Variants in SPTBN1 observed in about 807,000 individuals in gnomAD.
The protein encoded by SPTBN1 is spectrin beta chain, non-erythrocytic 1.
SPTBN1 carries 32 observed loss-of-function variants against 266.4 expected under a neutral mutation model. The ratio of observed to expected loss-of-function variants is 0.12; its 90% CI spans 0.09 to 0.16. The LOEUF is 0.16. Ranked by LOEUF, SPTBN1 falls within the 10% of genes least tolerant of loss-of-function variation. The probability of loss-of-function intolerance (pLI) is 1.00; values close to 1 mark genes in which losing one functional copy is unlikely to be tolerated. For synonymous variants in SPTBN1, 1,336 were observed against 1,162.2 expected (o/e 1.15, Z -3.04); for missense variants, 2,296 against 3,067.1 (o/e 0.75, Z 5.94).
chr2:54,486,147 G>A (rs1041948911), intron 1 of SPTBN1, among the ~76,000 whole-genome samples: 7 of 142,822 alleles, frequency 4.9e-5, no homozygotes, highest in African/African-American at 1.7e-4. Flanking sequence ...GAGGTGAGGG[G>A]CGCCTCTGCC....
chr2:54,575,536 A>G (rs1013454716), intron 2 of SPTBN1, among the ~76,000 whole-genome samples: 4 of 152,270 alleles, frequency 2.6e-5, no homozygotes, highest in Non-Finnish European at 4.4e-5. Flanking sequence ...AAAAGTAACT[A>G]AGGTAAAATT....
At position 54,562,993 on chromosome 2, in the gene SPTBN1, G is replaced by T. The variant is rs192319838; in HGVS notation, c.149-36099G>T. Among the ~76,000 whole-genome samples, 310 of 152,204 alleles carry T rather than the reference G, an allele frequency of 2.0e-3. 2 individuals are homozygous for T. The highest frequency in any genetic ancestry group is 7.0e-3 in the African/African-American group (290 of 41,518). On this transcript the variant is annotated intron_variant, in intron 2 of 35. Coordinates refer to ENST00000356805, the MANE Select transcript of SPTBN1 (RefSeq NM_003128.3). The stretch of plus-strand genomic sequence containing the variant: ...TGTACCAGTCAGAGCTTTCTATATG[G>T]AATTTTGTCTGGTCTTTATAACATA...
rs1479950779 is a variant in SPTBN1, at chr2:54,671,068, A to G, written c.*2499A>G. ...TTTTCAGTGATACAATATGGGTGAC[A>G]ATACTGGCCCCTCCATAAATCTGAA... On this transcript the variant is annotated 3_prime_UTR_variant, in exon 36 of 36. Coordinates refer to ENST00000356805, the MANE Select transcript of SPTBN1 (RefSeq NM_003128.3). 3 of 350,876 alleles carry G rather than the reference A, an allele frequency of 8.6e-6. No homozygotes were observed. The highest frequency in any genetic ancestry group is 4.2e-5 in the African/African-American group (2 of 47,640). 21.7% of individuals were successfully genotyped at this position (350,876 alleles called of 1,614,324 possible).
At position 54,631,283 on chromosome 2, in the gene SPTBN1, C is replaced by G; in HGVS notation, c.3236C>G (p.Ser1079Cys). Residue 1079 changes from serine to cysteine, a missense_variant, in exon 16 of 36, where the codon TCT becomes TGT. Ser to Cys is a moderately radical substitution (Grantham distance 112, BLOSUM62 -1). Coordinates refer to ENST00000356805, the MANE Select transcript of SPTBN1 (RefSeq NM_003128.3). ...RDLDDFQSWL[S>C]RTQTAIASED... ...TTGGACGACTTCCAGTCCTGGCTCT[C>G]TAGGACCCAGACAGCGATCGCCTCG... 1 of 1,614,204 alleles carries G rather than the reference C, an allele frequency of 6.2e-7. No homozygotes were observed. Among genetic ancestry groups the G allele is most frequent in the Non-Finnish European group, 8.5e-7 (1 of 1,180,014 alleles).
chr2:54,491,852 G>T (rs1330125594), intron 1 of SPTBN1, among the ~76,000 whole-genome samples: 1 of 151,986 alleles, frequency 6.6e-6, no homozygotes, highest in African/African-American at 2.4e-5. Context: ...CCTCCACCTT[G>T]CCTCCCAAAG....
intron 1 of SPTBN1, among the ~76,000 whole-genome samples, chr2:54,465,587 T>C (rs963384672): frequency 6.7e-6 from 1 of 148,894 alleles, no homozygotes; most frequent in Non-Finnish European, 1.5e-5. Context: ...TCCTGTGCAA[T>C]GTTATATTTT....
chr2:54,668,644 A>G lies in SPTBN1; in HGVS notation c.*75A>G. On this transcript the variant is annotated 3_prime_UTR_variant, in exon 36 of 36. Transcript: ENST00000356805. ...CAGCATGCAAGCTCAGAACCAACAC[A>G]TTACTCTCTGTGCCTAATGTTCCTC... 1 of 1,315,570 alleles carries G rather than the reference A, an allele frequency of 7.6e-7. No individual in the cohort carries two copies. The highest frequency in any genetic ancestry group is 1.0e-6 in the Non-Finnish European group (1 of 965,724). 81.5% of individuals were successfully genotyped at this position (1,315,570 alleles called of 1,614,324 possible).
At chr2:54,630,128 G>T (rs947145006) in intron 15 of SPTBN1, 99 bp downstream of exon 15, 2 of 1,467,752 alleles carry the variant, frequency 1.4e-6, no homozygotes, top group Non-Finnish European at 1.8e-6. Flanking sequence ...CCCACATGGG[G>T]TCATCGACAT....
chr2:54,649,154 G>T lies in SPTBN1; in HGVS notation c.5166G>T (p.Gly1722=), dbSNP rs752657797. The change falls in exon 25 of 36, where the codon GGG becomes GGT. Residue 1722 remains glycine (G), a synonymous_variant. Coordinates refer to ENST00000356805, the MANE Select transcript of SPTBN1 (RefSeq NM_003128.3). The surrounding 1 kb of genome is among the most constrained non-coding windows in gnomAD (Gnocchi z 6.7). ...TCGCTGAGAGGGAGGTGGTCGCAGG[G>T]TCCCATGAACTGGGACAGGACTATG... The part of the protein sequence containing the change: ...QWIAEREVVA[G]SHELGQDYEH... 5.6e-6 allele frequency: 9 copies of T among 1,611,328 alleles called. No homozygotes were observed. In the East Asian group the frequency reaches 2.0e-4, roughly 36 times the overall value.
chr2:54,466,003 A>C (rs1165262768), intron 1 of SPTBN1, among the ~76,000 whole-genome samples: 2 of 152,196 alleles, frequency 1.3e-5, no homozygotes, highest in Non-Finnish European at 2.9e-5. Flanking sequence ...TTGTGCTTTG[A>C]CATATAAAAA....
rs1680162189 is a variant in SPTBN1 at position 54,649,960 on chromosome 2, G to A, written c.5548G>A (p.Glu1850Lys). 1.2e-6 allele frequency: 2 copies of A among 1,611,890 alleles called. No individual in the cohort carries two copies. Among genetic ancestry groups the A allele is most frequent in the African/African-American group, 1.3e-5 (1 of 74,886 alleles). The change falls in exon 26 of 36, where the codon GAG becomes AAG. Residue 1850 changes from glutamate to lysine, a missense_variant. By Grantham distance (56) the Glu-to-Lys change is moderately conservative. This residue lies in a region of SPTBN1 where 644 missense variants were observed against 745.3 expected (regional missense o/e 0.86). Transcript: ENST00000356805. The surrounding 1 kb of genome is among the most constrained non-coding windows in gnomAD (Gnocchi z 6.7). ...ETLQRMHTTF[E>K]HDIQALGTQV... ...CTTACAGAGAATGCACACTACATTT[G>A]AGCATGACATCCAGGCTCTGGGCAC...
chr2:54,642,970 GATCT>G lies in SPTBN1; in HGVS notation c.3859-12_3859-9del. Reference sequence around the variant, plus strand: ...AGGATCACAATCTCTGAATCCTTCTGATCTTTCTGTAGCTGTCTCTCTGGATCAA... The same window carrying G: ...AGGATCACAATCTCTGAATCCTTCTGTTCTGTAGCTGTCTCTCTGGATCAA... On this transcript the variant is annotated splice_polypyrimidine_tract_variant and intron_variant, in intron 18 of 35. Transcript: ENST00000356805. 1 of 1,609,548 alleles carries G rather than the reference GATCT, an allele frequency of 6.2e-7. No homozygotes were observed. The highest frequency in any genetic ancestry group is 1.7e-5 in the Admixed American group (1 of 59,436).
At chr2:54,589,517 C>T (rs535766011) in intron 2 of SPTBN1, among the ~76,000 whole-genome samples, 5 of 152,316 alleles carry the variant, frequency 3.3e-5, no homozygotes, top group South Asian at 4.1e-4. Context: ...GCCCATCAGA[C>T]AGTTACTAGC....
Position 54,556,160 on chromosome 2 carries a change from C to G in SPTBN1, c.148+29594C>G, listed in dbSNP as rs369324978. On this transcript the variant is annotated intron_variant, in intron 2 of 35. Transcript: ENST00000356805. ...GCCTTCCTTTACCTCCTCCCCACTT[C>G]TGAACTGGAGGTGGTCAGATGGGCC... Among the ~76,000 whole-genome samples, 192 of 152,348 alleles carry G rather than the reference C, an allele frequency of 1.3e-3. 4 individuals are homozygous for G. In the South Asian group the frequency reaches 0.034, roughly 27 times the overall value.
intron 2 of SPTBN1, among the ~76,000 whole-genome samples, chr2:54,585,428 TC>T (rs61299675): frequency 0.33 from 50,788 of 151,614 alleles, 10,871 homozygotes; most frequent in African/African-American, 0.62. Flanking sequence ...TCTGTCCTCC[TC>T]TATTAAAACA....
intron 34 of SPTBN1, 93 bp downstream of exon 34, chr2:54,666,181 T>C (rs1419522518): frequency 7.6e-7 from 1 of 1,307,792 alleles, no homozygotes; most frequent in Non-Finnish European, 1.1e-6. Flanking sequence ...TGTGATTAGT[T>C]GGTTCTGTCT....
intron 17 of SPTBN1, among the ~76,000 whole-genome samples, chr2:54,633,606 TG>T (rs1322383624): frequency 3.3e-5 from 5 of 152,238 alleles, no homozygotes; most frequent in African/African-American, 9.6e-5. Flanking sequence ...GGCCAGCCAC[TG>T]GATCAATCAC....
intron 2 of SPTBN1, among the ~76,000 whole-genome samples, chr2:54,541,961 G>A (rs1218842662): frequency 2.0e-5 from 3 of 152,110 alleles, no homozygotes; most frequent in Admixed American, 6.5e-5. Flanking sequence ...TGCTAGCATT[G>A]ATCTATTAAT....
chr2:54,560,620 C>T (rs1009263445), intron 2 of SPTBN1, among the ~76,000 whole-genome samples: 1 of 152,148 alleles, frequency 6.6e-6, no homozygotes, highest in Admixed American at 6.5e-5. Context: ...GAAATCCCTT[C>T]GAAAGGGGTA....
Sources: gnomAD v4.1 joint callset for allele counts (sites outside exome capture counted in the v4.1 genomes callset) on GRCh38, gnomAD v4.1.1 for gene constraint, gnomAD v4.1.1 regional missense constraint, Gnocchi (gnomAD v3.1) non-coding constraint, MANE v1.5 for transcripts, NCBI Gene and HGNC (gene_info 2026-07-23, HGNC 2026-07-21) for gene names.